CWC27: variants seen among roughly 807,000 people sequenced by gnomAD.
CWC27 encodes the protein CWC27 spliceosome associated cyclophilin.
In CWC27, 47 loss-of-function variants were observed where a neutral mutation model predicts 63.6. The ratio of observed to expected loss-of-function variants is 0.74; its 90% CI spans 0.58 to 0.94. CWC27 has a LOEUF of 0.94. Among genes scored for constraint, CWC27 ranks in the 40% least tolerant of loss-of-function variants. The pLI is 0.00. For synonymous variants in CWC27, 175 were observed against 179.8 expected (o/e 0.97, Z 0.22); for missense variants, 495 against 554.3 (o/e 0.89, Z 1.07).
chr5:64,776,338 A>T (rs978919000), intron 2 of CWC27, among the ~76,000 whole-genome samples: 1 of 152,116 alleles, frequency 6.6e-6, no homozygotes, highest in Non-Finnish European at 1.5e-5. Flanking sequence ...TTACAAAAAC[A>T]TTAGAAAGAA....
chr5:64,946,798 G>T (rs1165489848), intron 11 of CWC27, among the ~76,000 whole-genome samples: 2 of 151,742 alleles, frequency 1.3e-5, no homozygotes, highest in Non-Finnish European at 2.9e-5. Flanking sequence ...TAGGTTAAAG[G>T]TGATTTTTGA....
chr5:64,820,986 A>C (rs927526447), intron 10 of CWC27, among the ~76,000 whole-genome samples: 7 of 130,924 alleles, frequency 5.3e-5, no homozygotes, highest in Non-Finnish European at 1.2e-4. Flanking sequence ...AACAAGCCAC[A>C]GACTGGGAAA....
At chr5:64,845,845 A>G (rs1745964092) in intron 10 of CWC27, among the ~76,000 whole-genome samples, 1 of 152,238 alleles carries the variant, frequency 6.6e-6, no homozygotes, top group Non-Finnish European at 1.5e-5. Context: ...AAATCCCCTA[A>G]TCTGGGAATA....
intron 11 of CWC27, among the ~76,000 whole-genome samples, chr5:64,894,949 A>G (rs1452607750): frequency 3.3e-5 from 5 of 152,228 alleles, no homozygotes; most frequent in South Asian, 4.1e-4. Context: ...GGCAGGAATA[A>G]TTAGAAATAA....
At chr5:64,833,750 C>G (rs1347881201) in intron 10 of CWC27, among the ~76,000 whole-genome samples, 3 of 151,662 alleles carry the variant, frequency 2.0e-5, no homozygotes, top group Admixed American at 6.6e-5. Context: ...TTTTGCCACA[C>G]AATGTAGGAG....
intron 13 of CWC27, among the ~76,000 whole-genome samples, chr5:64,979,181 A>G (rs983937524): frequency 3.9e-5 from 6 of 152,228 alleles, no homozygotes; most frequent in African/African-American, 1.4e-4. Flanking sequence ...TCACTGGCCA[A>G]TGATGTTGGC....
At chr5:64,866,798 C>T (rs541766715) in intron 10 of CWC27, among the ~76,000 whole-genome samples, 8 of 152,068 alleles carry the variant, frequency 5.3e-5, no homozygotes, top group Non-Finnish European at 1.2e-4. Flanking sequence ...TATTGAGGCC[C>T]ATTTTATGTG....
At chr5:64,796,002 CGT>C (rs56699605) in intron 7 of CWC27, among the ~76,000 whole-genome samples, 28,748 of 135,498 alleles carry the variant, frequency 0.21, 2,725 homozygotes, top group Non-Finnish European at 0.24. Context: ...AGAAATTGTG[CGT>C]GTGTGTGTGT....
chr5:64,848,673 A>G (rs2112293286), intron 10 of CWC27, among the ~76,000 whole-genome samples: 1 of 152,298 alleles, frequency 6.6e-6, no homozygotes, highest in East Asian at 1.9e-4. Flanking sequence ...AGATACACAA[A>G]AGACTCAACA....
intron 10 of CWC27, among the ~76,000 whole-genome samples, chr5:64,822,654 G>A (rs1745236504): frequency 6.6e-6 from 1 of 152,160 alleles, no homozygotes; most frequent in Non-Finnish European, 1.5e-5. Flanking sequence ...ATAATAAACT[G>A]TAAATACAAC....
chr5:65,008,292 A>G (rs1749887010), intron 13 of CWC27, among the ~76,000 whole-genome samples: 1 of 152,262 alleles, frequency 6.6e-6, no homozygotes, highest in Non-Finnish European at 1.5e-5. Flanking sequence ...CTGTTCTAAA[A>G]ATAGTCTATT....
chr5:65,000,958 C>T (rs1749721981), intron 13 of CWC27, among the ~76,000 whole-genome samples: 1 of 151,978 alleles, frequency 6.6e-6, no homozygotes, highest in African/African-American at 2.4e-5. Context: ...GATCCATAAG[C>T]AGAGGATGTC....
rs191191295 is a variant in CWC27 at position 64,875,180 on chromosome 5, A to G, written c.939-10263A>G. ...TAAAATTTTCTAAGATTTGAAAGAGATCTTACAAAGATTAGGGGTCATCTA... is the reference window on the plus strand; with the variant it reads ...TAAAATTTTCTAAGATTTGAAAGAGGTCTTACAAAGATTAGGGGTCATCTA... On this transcript the variant is annotated intron_variant, in intron 10 of 13. Transcript: ENST00000381070. Among the ~76,000 whole-genome samples, 97 of 152,268 alleles carry G rather than the reference A, an allele frequency of 6.4e-4. 1 individual carries two copies. Among genetic ancestry groups the G allele is most frequent in the Non-Finnish European group, 1.2e-3 (79 of 67,998 alleles).
chr5:64,929,460 T>C (rs1164972068), intron 11 of CWC27, among the ~76,000 whole-genome samples: 2 of 152,178 alleles, frequency 1.3e-5, no homozygotes, highest in East Asian at 1.9e-4. Flanking sequence ...TCTCCTCCAC[T>C]GTTAAATCTG....
intron 11 of CWC27, among the ~76,000 whole-genome samples, chr5:64,951,071 T>C (rs1352998159): frequency 1.3e-5 from 2 of 151,918 alleles, no homozygotes; most frequent in African/African-American, 4.8e-5. Context: ...AATAAAGCTG[T>C]TATAGCACTA....
In CWC27 at chr5:64,949,229, A is replaced by T. The variant is rs552924328; in HGVS notation, c.1043-22474A>T. 2.6e-5 allele frequency among the ~76,000 whole-genome samples: 4 copies of T among 152,154 alleles called. No individual in the cohort carries two copies. In the East Asian group the frequency reaches 7.7e-4, roughly 29 times the overall value. ...CTAGAGGTATTTTTAGAGACAAACA[A>T]CATTTATCATGTGTTAATGGGAGCT... On this transcript the variant is annotated intron_variant, in intron 11 of 13. Transcript: ENST00000381070.
At chr5:64,866,747 A>G (rs953721718) in intron 10 of CWC27, among the ~76,000 whole-genome samples, 3 of 152,062 alleles carry the variant, frequency 2.0e-5, no homozygotes, top group African/African-American at 7.2e-5. Context: ...ATTTCATTCC[A>G]TGTGGTTGGA....
At chr5:64,942,243 A>G (rs1748497242) in intron 11 of CWC27, among the ~76,000 whole-genome samples, 2 of 151,710 alleles carry the variant, frequency 1.3e-5, no homozygotes, top group African/African-American at 4.8e-5. Flanking sequence ...CAGGCAACAT[A>G]GTAAGACCCC....
intron 13 of CWC27, among the ~76,000 whole-genome samples, chr5:65,002,045 G>A (rs1319542190): frequency 6.6e-6 from 1 of 152,006 alleles, no homozygotes; most frequent in Non-Finnish European, 1.5e-5. Context: ...AATCTCCAGA[G>A]GTTGTATGTG....
Sources: gnomAD v4.1 joint callset for allele counts (sites outside exome capture counted in the v4.1 genomes callset) on GRCh38, gnomAD v4.1.1 for gene constraint, MANE v1.5 for transcripts, NCBI Gene and HGNC (gene_info 2026-07-23, HGNC 2026-07-21) for gene names.